The following PIDD1 variants were observed in gnomAD, a reference collection of about 807,000 sequenced individuals.
PIDD1 encodes p53-induced death domain protein 1.
A neutral mutation model predicts 80.0 loss-of-function variants in PIDD1; 72 were observed. That is an observed-to-expected ratio of 0.90 (90% CI 0.74 to 1.09). The LOEUF is 1.09. Among genes scored for constraint, PIDD1 ranks in the 50% least tolerant of loss-of-function variants. The pLI is 0.00. For synonymous variants in PIDD1, 655 were observed against 543.5 expected (o/e 1.21, Z -2.85); for missense variants, 1,329 against 1,228.3 (o/e 1.08, Z -1.23).
At position 801,566 on chromosome 11, in the gene PIDD1, G is replaced by A. The variant is rs762287129; in HGVS notation, c.1361C>T (p.Pro454Leu). The A allele has an allele frequency of 1.4e-5, 22 of 1,569,544 alleles. No homozygotes were observed. Among genetic ancestry groups the A allele is most frequent in the Admixed American group, 1.9e-5 (1 of 53,184 alleles). The change falls in exon 8 of 16, where the codon CCT (proline) becomes CTT (leucine). Residue 454 changes from proline (P) to leucine (L), a missense_variant. Transcript: ENST00000347755. ...TGGCACCAGGCAGGCATTGGACACAGGGCGGGAAACCACAAGGAACCAGGA... is the reference window on the plus strand; with the variant it reads ...TGGCACCAGGCAGGCATTGGACACAAGGCGGGAAACCACAAGGAACCAGGA... ...HFSWFLVVSRPVSNACLVPPE... is the reference protein window; with the variant it reads ...HFSWFLVVSRLVSNACLVPPE...
At position 802,333 on chromosome 11, in the gene PIDD1, TG is replaced by T; in HGVS notation, c.1037del (p.Pro346GlnfsTer169). 6.2e-7 allele frequency: 1 copy of T among 1,611,766 alleles called. No homozygotes were observed. Among genetic ancestry groups the T allele is most frequent in the African/African-American group, 1.3e-5 (1 of 74,960 alleles). On this transcript the variant is annotated frameshift_variant, in exon 6 of 16. Transcript: ENST00000347755. LOFTEE classifies it high-confidence loss of function. ...TLACGVRLQF[P>X]AGATATPITI... is the part of the protein sequence containing the mutation. ...TGATGGGGGTGGCGGTGGCTCCCGC[TG>T]GGAACTGCAGGCGGACGCCACAGGC...
chr11:809,405 G>A (rs536154852), upstream of PIDD1: 1 of 152,234 alleles, frequency 6.6e-6, no homozygotes, highest in African/African-American at 2.4e-5. Context: ...CGAGGCGGCT[G>A]GCTCACCTCA....
rs750975523 is a variant in PIDD1, at chr11:802,581, T to C, written c.936A>G (p.Pro312=). ...AGGTCAGGAACAGTCTGGGCATTTC[T>C]GGAATGAGGGCTGCCACTGTGCAGG... is the stretch of plus-strand genomic sequence containing the variant. ...APSSPVAALI[P]EMPRLFLTSD... Residue 312 remains proline, a synonymous_variant, in exon 5 of 16, where the codon CCA becomes CCG. Transcript: ENST00000347755. 1.9e-6 allele frequency: 3 copies of C among 1,613,120 alleles called. No individual in the cohort carries two copies. Among genetic ancestry groups the C allele is most frequent in the African/African-American group, 2.7e-5 (2 of 74,904 alleles).
rs930378064 is a variant in PIDD1 at position 804,528 on chromosome 11, A to G, written c.-75-65T>C. Reference sequence around the variant, plus strand: ...GGCCCTTCTCTTTGGGGAAACAGGGACTCTGGATGGAGTGGGGAGCTCTAG... The same window carrying G: ...GGCCCTTCTCTTTGGGGAAACAGGGGCTCTGGATGGAGTGGGGAGCTCTAG... On this transcript the variant is annotated intron_variant, in intron 1 of 15. Transcript: ENST00000347755. 3 of 1,412,512 alleles carry G rather than the reference A, an allele frequency of 2.1e-6. No homozygotes were observed. In the African/African-American group the frequency reaches 4.3e-5, roughly 20 times the overall value. The allele number at this position is 1,412,512 out of a possible 1,614,324, so 87.5% of individuals were successfully genotyped here.
In PIDD1 at chr11:800,027, A is replaced by G; in HGVS notation, c.2275-13T>C. On this transcript the variant is annotated splice_polypyrimidine_tract_variant and intron_variant, in intron 14 of 15. Coordinates refer to ENST00000347755, the MANE Select transcript of PIDD1 (RefSeq NM_145886.4). ...ACCCTCGAAGTCTCTGTTGGAAGGA[A>G]AAAGTGCATTAAGCCCTGGGCTCCA... The G allele has an allele frequency of 6.2e-7, 1 of 1,612,166 alleles. No homozygotes were observed. The highest frequency in any genetic ancestry group is 8.5e-7 in the Non-Finnish European group (1 of 1,179,364).
upstream of PIDD1, chr11:806,208 C>T (rs1865764081): frequency 6.6e-6 from 1 of 152,456 alleles, no homozygotes; most frequent in Admixed American, 6.5e-5. Context: ...AACATGATAC[C>T]CCCGAGCGGG....
At chr11:806,266 G>C (rs926991821), upstream of PIDD1, among the ~76,000 whole-genome samples, 3 of 151,854 alleles carry the variant, frequency 2.0e-5, no homozygotes, top group African/African-American at 7.3e-5. Flanking sequence ...CAGGTACTTA[G>C]GGAGGGAACA....
chr11:800,737 G>T, intron 11 of PIDD1, 25 bp downstream of exon 11: 1 of 1,545,376 alleles, frequency 6.5e-7, no homozygotes, highest in Non-Finnish European at 8.7e-7. Flanking sequence ...TCACCACCCT[G>T]CTGCCCTCCG....
At chr11:808,984 T>C (rs1418425747), upstream of PIDD1, among the ~76,000 whole-genome samples, 1 of 152,172 alleles carries the variant, frequency 6.6e-6, no homozygotes, top group Non-Finnish European at 1.5e-5. Flanking sequence ...GCCCGGGATA[T>C]TGGCAGGGAT....
rs747668062 is a variant in PIDD1, at chr11:799,524, CAGG to C, written c.2513_2515del (p.Ser838del). ...TGGCTGCCCAGCCTGGCGCTCAGCCCAGGAGAAGAGCATGTGACGGATCTGCTC... is the reference window on the plus strand; with the variant it reads ...TGGCTGCCCAGCCTGGCGCTCAGCCCAGAAGAGCATGTGACGGATCTGCTC... On this transcript the variant is annotated inframe_deletion, in exon 16 of 16. Coordinates refer to ENST00000347755, the MANE Select transcript of PIDD1 (RefSeq NM_145886.4). 7 of 1,605,116 alleles carry C rather than the reference CAGG, an allele frequency of 4.4e-6. No homozygotes were observed. In the South Asian group the frequency reaches 5.5e-5, roughly 13 times the overall value.
At chr11:801,392 C>A in intron 8 of PIDD1, 27 bp from the exon 9 acceptor site, 1 of 1,598,692 alleles carries the variant, frequency 6.3e-7, no homozygotes, top group Non-Finnish European at 8.5e-7. Flanking sequence ...CCCTGAGCAC[C>A]TGCCTGTGGG....
intron 3 of PIDD1, 80 bp downstream of exon 3, chr11:803,094 G>A (rs1865510010): frequency 2.7e-6 from 3 of 1,127,644 alleles, no homozygotes; most frequent in South Asian, 1.5e-5. Context: ...GCCTGTGGGT[G>A]CAGAGGCCCC....
At chr11:800,691 G>C in intron 11 of PIDD1, 25 bp from the exon 12 acceptor site, 1 of 1,566,032 alleles carries the variant, frequency 6.4e-7, no homozygotes, top group Non-Finnish European at 8.6e-7. Flanking sequence ...GTGCAGCTCA[G>C]GACCCAAAGC....
chr11:802,184 CCT>C lies in PIDD1; in HGVS notation c.1176+9_1176+10del. The C allele has an allele frequency of 6.3e-7, 1 of 1,594,564 alleles. No individual in the cohort carries two copies. The stretch of plus-strand genomic sequence containing the variant: ...GGCCCACACACTGCCCCCGCCACGC[CCT>C]GTCCATGCCTGCTGGAAGGCCACCC... On this transcript the variant is annotated intron_variant, in intron 6 of 15. Coordinates refer to ENST00000347755, the MANE Select transcript of PIDD1 (RefSeq NM_145886.4).
Position 803,429 on chromosome 11 carries a change from C to T in PIDD1, c.454G>A (p.Ala152Thr), listed in dbSNP as rs748673845. The T allele has an allele frequency of 1.2e-6, 2 of 1,613,816 alleles. No individual in the cohort carries two copies. Among genetic ancestry groups the T allele is most frequent in the African/African-American group, 2.7e-5 (2 of 74,928 alleles). Residue 152 changes from alanine (A) to threonine (T), a missense_variant, in exon 3 of 16, where the codon GCG (alanine) becomes ACG (threonine). Ala to Thr is a moderately conservative substitution (Grantham distance 58). Transcript: ENST00000347755. ...ACVLQMRGLGALLLSHNCLSE... is the reference protein window; with the variant it reads ...ACVLQMRGLGTLLLSHNCLSE... ...AGGCAGTTGTGAGACAGCAAGAGCG[C>T]ACCCAGACCTCGCATCTGCAGGACA...
chr11:800,540 T>TACCAGCATCCAC lies in PIDD1; in HGVS notation c.2032_2041+2dup, dbSNP rs1288377032. ...GGCAGGGAGCATCCACCAGCATCCC[T>TACCAGCATCCAC]ACCAGCATCCACGTCGATGCCGCGC... On this transcript the variant is annotated splice_region_variant and intron_variant, in intron 12 of 15. Transcript: ENST00000347755. 2 of 1,479,964 alleles carry TACCAGCATCCAC rather than the reference T, an allele frequency of 1.4e-6. No individual in the cohort carries two copies. Among genetic ancestry groups the TACCAGCATCCAC allele is most frequent in the Non-Finnish European group, 1.9e-6 (2 of 1,079,230 alleles). 91.7% of individuals were successfully genotyped at this position (1,479,964 alleles called of 1,614,324 possible). A position where few individuals can be genotyped will look rare whatever the true frequency, so the allele number is the denominator to read the frequency against.
Position 803,553 on chromosome 11 carries a change from G to T in PIDD1, c.330C>A (p.Leu110=), listed in dbSNP as rs762908821. Residue 110 remains leucine (L), a synonymous_variant, in exon 3 of 16, where the codon CTC becomes CTA. Coordinates refer to ENST00000347755, the MANE Select transcript of PIDD1 (RefSeq NM_145886.4). ...CGGGCAGGTTGGTCAGGGCACCCCG[G>T]AGACAGGCACCCAGTGTGTCCCGGC... is the stretch of plus-strand genomic sequence containing the variant. ...GQRRDTLGAC[L]RGALTNLPAG... 1 of 1,612,440 alleles carries T rather than the reference G, an allele frequency of 6.2e-7. No homozygotes were observed. Among genetic ancestry groups the T allele is most frequent in the Non-Finnish European group, 8.5e-7 (1 of 1,179,536 alleles).
chr11:808,634 T>C (rs1330388807), upstream of PIDD1, among the ~76,000 whole-genome samples: 1 of 152,138 alleles, frequency 6.6e-6, no homozygotes, highest in African/African-American at 2.4e-5. Flanking sequence ...AAGTTGAGGC[T>C]GCAGCGAGCT....
In PIDD1 at chr11:802,495, G is replaced by C. The variant is rs1350924202; in HGVS notation, c.974+48C>G. 1.9e-6 allele frequency: 3 copies of C among 1,604,782 alleles called. No individual in the cohort carries two copies. In the African/African-American group the frequency reaches 4.0e-5, roughly 21 times the overall value. The stretch of plus-strand genomic sequence containing the variant: ...TGGAGAAGGTGTCGGAGGGGCCAGA[G>C]TGACAGGCAGACAGACTCCCCTCCA... On this transcript the variant is annotated intron_variant, in intron 5 of 15. Transcript: ENST00000347755.
Sources: allele counts gnomAD v4.1 joint callset (sites outside exome capture counted in the v4.1 genomes callset), GRCh38; gene constraint gnomAD v4.1.1; transcripts MANE v1.5; gene names NCBI Gene and HGNC (gene_info 2026-07-23, HGNC 2026-07-21).